The following CCDC192 variants were observed in gnomAD, a reference collection of about 807,000 sequenced individuals.
The protein encoded by CCDC192 is coiled-coil domain containing 192.
chr5:127,822,989 C>T (rs937652159), intron 5 of CCDC192, among the ~76,000 whole-genome samples: 1 of 152,154 alleles, frequency 6.6e-6, no homozygotes, highest in Non-Finnish European at 1.5e-5. Context: ...AGGGCCCTCT[C>T]AACGCTCCTC....
At chr5:127,724,324 CA>C (rs1316800032) in intron 2 of CCDC192, among the ~76,000 whole-genome samples, 1 of 152,170 alleles carries the variant, frequency 6.6e-6, no homozygotes, top group East Asian at 1.9e-4. Flanking sequence ...ATCTTCCTTA[CA>C]ATAGAAACAT....
At chr5:127,790,370 A>G (rs192302404) in intron 3 of CCDC192, among the ~76,000 whole-genome samples, 1 of 152,192 alleles carries the variant, frequency 6.6e-6, no homozygotes, top group Admixed American at 6.6e-5. Context: ...TTGGGTACAT[A>G]TAATATTTTG....
At chr5:127,702,705 C>A (rs1354810902), upstream of CCDC192, among the ~76,000 whole-genome samples, 3 of 152,188 alleles carry the variant, frequency 2.0e-5, no homozygotes, top group African/African-American at 7.2e-5. Flanking sequence ...TGATTCTGAG[C>A]TGTGGACTGC....
At chr5:127,747,565 A>G (rs1190305205) in intron 2 of CCDC192, among the ~76,000 whole-genome samples, 2 of 151,826 alleles carry the variant, frequency 1.3e-5, no homozygotes, top group African/African-American at 4.8e-5. Context: ...CGCAATAAAC[A>G]TACGTGTGCA....
intron 5 of CCDC192, among the ~76,000 whole-genome samples, chr5:127,853,645 C>A (rs574640560): frequency 4.6e-5 from 7 of 152,158 alleles, no homozygotes; most frequent in Non-Finnish European, 8.8e-5. Context: ...TGGTGATGGG[C>A]ACCTGTAATC....
At chr5:127,896,120 T>G (rs1039920920) in intron 6 of CCDC192, among the ~76,000 whole-genome samples, 2 of 151,992 alleles carry the variant, frequency 1.3e-5, no homozygotes, top group Non-Finnish European at 1.5e-5. Flanking sequence ...CACAAGAGAT[T>G]GATTGCACTT....
At chr5:127,724,318 T>G (rs375923082) in intron 2 of CCDC192, among the ~76,000 whole-genome samples, 1 of 152,188 alleles carries the variant, frequency 6.6e-6, no homozygotes. Flanking sequence ...CCTGCGATCT[T>G]CCTTACAATA....
rs561878450 is a variant in CCDC192 at position 127,733,939 on chromosome 5, A to C, written c.115-20329A>C. Among the ~76,000 whole-genome samples, 16 of 135,778 alleles carry C rather than the reference A, an allele frequency of 1.2e-4. No individual in the cohort carries two copies. The East Asian group carries it at 3.4e-3, about 28-fold the overall frequency. 89.1% of individuals were successfully genotyped at this position (135,778 alleles called of 152,430 possible). On this transcript the variant is annotated intron_variant, in intron 2 of 6. Coordinates refer to ENST00000514853, the MANE Select transcript of CCDC192 (RefSeq NM_001317938.2). ...ACTATATATATATATATATTTTTTTATTATACTTTAAGTTTTAGGGTACAT... is the reference window on the plus strand; with the variant it reads ...ACTATATATATATATATATTTTTTTCTTATACTTTAAGTTTTAGGGTACAT...
intron 5 of CCDC192, among the ~76,000 whole-genome samples, chr5:127,846,194 CAGA>C (rs1428848472): frequency 2.0e-5 from 3 of 150,192 alleles, no homozygotes; most frequent in African/African-American, 7.4e-5. Flanking sequence ...GAGGCTAAGG[CAGA>C]AGAATTCCTT....
At chr5:127,895,977 T>C (rs1030031555) in intron 6 of CCDC192, among the ~76,000 whole-genome samples, 4 of 152,218 alleles carry the variant, frequency 2.6e-5, no homozygotes, top group African/African-American at 9.6e-5. Flanking sequence ...TAAATTGGCT[T>C]TATTTGAATC....
chr5:127,844,582 A>G lies in CCDC192; in HGVS notation c.412-30956A>G, dbSNP rs528914309. ...CCAGGTCACTCTGAGCGACCCGGTG[A>G]ATCTTTCTCATCCAGCACTAGGCTG... On this transcript the variant is annotated intron_variant, in intron 5 of 6. Transcript: ENST00000514853. Among the ~76,000 whole-genome samples the G allele has an allele frequency of 2.0e-5, 3 of 152,306 alleles. No individual in the cohort carries two copies. The East Asian group carries it at 5.8e-4, about 29-fold the overall frequency.
At chr5:127,923,599 G>A (rs1753789574) in intron 6 of CCDC192, among the ~76,000 whole-genome samples, 1 of 152,124 alleles carries the variant, frequency 6.6e-6, no homozygotes, top group African/African-American at 2.4e-5. Flanking sequence ...GGATGGTCTT[G>A]ATCTTCTGAC....
At chr5:127,788,641 A>G (rs2126950090) in intron 3 of CCDC192, among the ~76,000 whole-genome samples, 1 of 152,130 alleles carries the variant, frequency 6.6e-6, no homozygotes, top group South Asian at 2.1e-4. Context: ...GATATTTTCT[A>G]GTGTTCCATT....
chr5:127,830,555 G>C (rs536071030), intron 5 of CCDC192, among the ~76,000 whole-genome samples: 1 of 152,228 alleles, frequency 6.6e-6, no homozygotes, highest in Non-Finnish European at 1.5e-5. Flanking sequence ...ACACCAGTCA[G>C]ACTGGGTTAG....
At chr5:127,924,274 A>G (rs191167705) in intron 6 of CCDC192, among the ~76,000 whole-genome samples, 7 of 152,352 alleles carry the variant, frequency 4.6e-5, no homozygotes, top group Admixed American at 2.0e-4. Flanking sequence ...AATAATTTCT[A>G]TATCTTAAGC....
chr5:127,787,424 C>A (rs1219526863), intron 3 of CCDC192, among the ~76,000 whole-genome samples: 2 of 152,242 alleles, frequency 1.3e-5, no homozygotes, highest in Admixed American at 1.3e-4. Context: ...TTTTTGTATG[C>A]TATGTTTTGT....
chr5:127,738,978 G>A (rs1278202799), intron 2 of CCDC192, among the ~76,000 whole-genome samples: 1 of 151,880 alleles, frequency 6.6e-6, no homozygotes, highest in East Asian at 1.9e-4. Context: ...GTGAGGAACT[G>A]TGTTCCTTTG....
At chr5:127,850,565 G>C (rs968475320) in intron 5 of CCDC192, among the ~76,000 whole-genome samples, 3 of 152,180 alleles carry the variant, frequency 2.0e-5, no homozygotes, top group African/African-American at 7.2e-5. Context: ...CTGGATGAAA[G>C]AATATGATCA....
chr5:127,726,726 C>T (rs1159912573), intron 2 of CCDC192, among the ~76,000 whole-genome samples: 1 of 152,218 alleles, frequency 6.6e-6, no homozygotes, highest in African/African-American at 2.4e-5. Flanking sequence ...GTGGGAATTT[C>T]AGCCATTCTG....
Sources: allele counts gnomAD v4.1 joint callset (sites outside exome capture counted in the v4.1 genomes callset), GRCh38; gene constraint gnomAD v4.1.1; transcripts MANE v1.5; gene names NCBI Gene and HGNC (gene_info 2026-07-23, HGNC 2026-07-21).